Variants in DLG2 observed in about 807,000 individuals in gnomAD.
The protein encoded by DLG2 is disks large homolog 2.
DLG2 carries 45 observed loss-of-function variants against 132.5 expected under a neutral mutation model. The observed-to-expected ratio is 0.34, with a 90% CI of 0.27 to 0.44. DLG2 has a LOEUF of 0.44. Among genes scored for constraint, DLG2 ranks in the 20% least tolerant of loss-of-function variants. The pLI is 1.00. For missense variants in DLG2, 1,045 were observed against 1,196.9 expected (o/e 0.87, Z 1.87); for synonymous variants, 424 against 419.6 (o/e 1.01, Z -0.13).
intron 7 of DLG2, among the ~76,000 whole-genome samples, chr11:84,451,413 A>C (rs919196522): frequency 1.3e-5 from 2 of 151,722 alleles, no homozygotes; most frequent in Non-Finnish European, 2.9e-5. Flanking sequence ...CAATTATTTT[A>C]TTTTTTCTAA....
rs556165361 is a variant in DLG2, at chr11:85,540,452, G to A, written c.40+58205C>T. ...GTGATCAGAGGAGATGCCTGCCGCTGGGCAGCCCAAACTCCAGGGAAACAC... is the reference window on the plus strand; with the variant it reads ...GTGATCAGAGGAGATGCCTGCCGCTAGGCAGCCCAAACTCCAGGGAAACAC... On this transcript the variant is annotated intron_variant, in intron 3 of 27. Transcript: ENST00000376104. Among the ~76,000 whole-genome samples, 7 of 152,252 alleles carry A rather than the reference G, an allele frequency of 4.6e-5. No homozygotes were observed. In the East Asian group the frequency reaches 1.2e-3, roughly 25 times the overall value.
chr11:85,250,862 A>T (rs563148125), intron 4 of DLG2, among the ~76,000 whole-genome samples: 2 of 152,264 alleles, frequency 1.3e-5, no homozygotes, highest in East Asian at 1.9e-4. Flanking sequence ...ATTTGAAAAA[A>T]ATATATATTT....
chr11:84,172,851 CT>C (rs917956189), intron 8 of DLG2, among the ~76,000 whole-genome samples: 10 of 151,604 alleles, frequency 6.6e-5, no homozygotes, highest in African/African-American at 9.7e-5. Context: ...CCTTAAATAA[CT>C]TTTTTTTTAA....
intron 7 of DLG2, among the ~76,000 whole-genome samples, chr11:84,321,191 A>G (rs1204152624): frequency 6.6e-6 from 1 of 152,126 alleles, no homozygotes; most frequent in Non-Finnish European, 1.5e-5. Context: ...CTGTGTAAAT[A>G]TCTTTAACAT....
chr11:85,369,213 C>T (rs188413952), intron 3 of DLG2, among the ~76,000 whole-genome samples: 2 of 152,174 alleles, frequency 1.3e-5, no homozygotes, highest in East Asian at 1.9e-4. Flanking sequence ...GGTCTCCTTG[C>T]TCCCCCTCCC....
At chr11:85,087,883 G>T (rs1190918439) in intron 6 of DLG2, among the ~76,000 whole-genome samples, 2 of 149,200 alleles carry the variant, frequency 1.3e-5, no homozygotes, top group African/African-American at 2.4e-5. Flanking sequence ...ATCATGGAGG[G>T]ATTTGAGGAC....
chr11:84,625,891 T>C (rs1236392949), intron 6 of DLG2, among the ~76,000 whole-genome samples: 1 of 152,192 alleles, frequency 6.6e-6, no homozygotes, highest in Non-Finnish European at 1.5e-5. Flanking sequence ...CATATCAATA[T>C]TTTCTCTTTT....
At chr11:85,343,610 G>A (rs1301254576) in intron 3 of DLG2, among the ~76,000 whole-genome samples, 2 of 152,006 alleles carry the variant, frequency 1.3e-5, no homozygotes, top group Non-Finnish European at 2.9e-5. Context: ...ACTTATGTGT[G>A]CACACGTTCT....
At chr11:85,221,168 G>C (rs1382699699) in intron 4 of DLG2, among the ~76,000 whole-genome samples, 1 of 151,340 alleles carries the variant, frequency 6.6e-6, no homozygotes, top group Non-Finnish European at 1.5e-5. Context: ...TCAGCCTCTC[G>C]AGTAGCTGGG....
At chr11:84,690,688 A>C (rs1035010329) in intron 6 of DLG2, among the ~76,000 whole-genome samples, 6 of 151,906 alleles carry the variant, frequency 3.9e-5, no homozygotes, top group Non-Finnish European at 7.4e-5. Context: ...TTTAATCCTT[A>C]TACTAATTAT....
chr11:83,778,910 G>T (rs1234613625), intron 18 of DLG2, among the ~76,000 whole-genome samples: 2 of 152,100 alleles, frequency 1.3e-5, no homozygotes. Context: ...TTATTAAAAG[G>T]ATACAATAAG....
At chr11:83,607,394 T>G (rs928820552) in intron 19 of DLG2, among the ~76,000 whole-genome samples, 1 of 152,242 alleles carries the variant, frequency 6.6e-6, no homozygotes, top group African/African-American at 2.4e-5. Flanking sequence ...AATGTATTCA[T>G]GAAATATTGT....
intron 16 of DLG2, among the ~76,000 whole-genome samples, chr11:83,842,923 T>C (rs1407856890): frequency 6.6e-6 from 1 of 152,130 alleles, no homozygotes; most frequent in African/African-American, 2.4e-5. Flanking sequence ...CTTGGGAAGT[T>C]ACTCCAGTCA....
intron 3 of DLG2, among the ~76,000 whole-genome samples, chr11:85,513,830 T>C (rs2094124454): frequency 6.6e-6 from 1 of 151,992 alleles, no homozygotes; most frequent in Admixed American, 6.6e-5. Flanking sequence ...CTAACAGCTG[T>C]TCTTCATTAT....
intron 3 of DLG2, among the ~76,000 whole-genome samples, chr11:85,496,633 C>G (rs112722037): frequency 0.011 from 1,602 of 152,286 alleles, 27 homozygotes; most frequent in African/African-American, 0.036. Context: ...GGTCCCTGAT[C>G]CCCATGTAGC....
intron 6 of DLG2, among the ~76,000 whole-genome samples, chr11:84,742,777 C>CA (rs1205042893): frequency 6.6e-6 from 1 of 152,002 alleles, no homozygotes; most frequent in Non-Finnish European, 1.5e-5. Context: ...TTTCACTGCC[C>CA]AAAAAATCCT....
At chr11:83,987,560 G>A (rs1168569531) in intron 11 of DLG2, among the ~76,000 whole-genome samples, 2 of 152,086 alleles carry the variant, frequency 1.3e-5, no homozygotes, top group Non-Finnish European at 2.9e-5. Context: ...ACAACTATCT[G>A]ATCTTTGACA....
chr11:85,465,463 A>T (rs937504291), intron 3 of DLG2, among the ~76,000 whole-genome samples: 15 of 150,450 alleles, frequency 1.0e-4, no homozygotes, highest in African/African-American at 3.4e-4. Flanking sequence ...CGCTCCCCCC[A>T]CCCCACAACA....
At chr11:84,421,870 G>A (rs958792724) in intron 7 of DLG2, among the ~76,000 whole-genome samples, 12 of 152,198 alleles carry the variant, frequency 7.9e-5, no homozygotes, top group Non-Finnish European at 1.5e-4. Flanking sequence ...ATCCCTCACC[G>A]CTTCTGCCTG....
Sources: gnomAD v4.1 joint callset for allele counts (sites outside exome capture counted in the v4.1 genomes callset) on GRCh38, gnomAD v4.1.1 for gene constraint, MANE v1.5 for transcripts, NCBI Gene and HGNC (gene_info 2026-07-23, HGNC 2026-07-21) for gene names.